Variants in SERPINI1 observed in about 807,000 individuals in gnomAD.
SERPINI1 encodes the protein neuroserpin.
In SERPINI1, 19 loss-of-function variants were observed where a neutral mutation model predicts 41.1. The ratio of observed to expected loss-of-function variants is 0.46; its 90% CI spans 0.32 to 0.68. The LOEUF (loss-of-function observed/expected upper bound fraction) is 0.68. Ranked by LOEUF, SERPINI1 falls within the 30% of genes least tolerant of loss-of-function variation. The pLI is 0.03. For synonymous variants in SERPINI1, 138 were observed against 156.6 expected (o/e 0.88, Z 0.89); for missense variants, 460 against 479.2 (o/e 0.96, Z 0.37).
At chr3:167,772,862 CTCTATATA>C (rs1455012724) in intron 1 of SERPINI1, among the ~76,000 whole-genome samples, 1 of 23,632 alleles carries the variant, frequency 4.2e-5, no homozygotes, top group East Asian at 2.4e-3. Context: ...CTCTCTCTCT[CTCTATATA>C]TATATATATA....
chr3:167,743,024 A>G (rs995873389), intron 1 of SERPINI1, among the ~76,000 whole-genome samples: 7 of 152,126 alleles, frequency 4.6e-5, no homozygotes, highest in African/African-American at 2.4e-5. Flanking sequence ...TTGCATTACA[A>G]ACACTTTTCG....
In SERPINI1 at chr3:167,747,105, G is replaced by A. The variant is rs1283453708; in HGVS notation, c.-19+11282G>A. 2.6e-5 allele frequency among the ~76,000 whole-genome samples: 4 copies of A among 152,172 alleles called. No homozygotes were observed. In the South Asian group the frequency reaches 6.2e-4, roughly 24 times the overall value. On this transcript the variant is annotated intron_variant, in intron 1 of 8. Coordinates refer to ENST00000446050, the MANE Select transcript of SERPINI1 (RefSeq NM_001122752.2). ...TTATTTGACGATTAAAAGGAATGAG[G>A]TACTGATACTACAGCATGGATGGCC...
chr3:167,752,514 A>G (rs1483807740), intron 1 of SERPINI1, among the ~76,000 whole-genome samples: 3 of 151,984 alleles, frequency 2.0e-5, no homozygotes, highest in South Asian at 2.1e-4. Context: ...AAGTCTATCC[A>G]TAATCTAACT....
rs186228800 is a variant in SERPINI1 at position 167,765,691 on chromosome 3, C to A, written c.-18-23420C>A. ...AAAAATAGAATTTTCTTTTCTATAG[C>A]ATTGTCAGGCTGCAAATTTTCTGAA... is the stretch of plus-strand genomic sequence containing the variant. On this transcript the variant is annotated intron_variant, in intron 1 of 8. Transcript: ENST00000446050. Among the ~76,000 whole-genome samples the A allele has an allele frequency of 1.6e-3, 242 of 152,318 alleles. 1 individual carries two copies. Among genetic ancestry groups the A allele is most frequent in the Middle Eastern group, 0.01 (3 of 294 alleles).
intron 1 of SERPINI1, among the ~76,000 whole-genome samples, chr3:167,736,726 G>A (rs1373784722): frequency 1.3e-5 from 2 of 152,292 alleles, no homozygotes; most frequent in South Asian, 2.1e-4. Flanking sequence ...TAAACTATAT[G>A]TGCATTCAAA....
At chr3:167,795,077 C>T (rs527303671) in intron 5 of SERPINI1, among the ~76,000 whole-genome samples, 2 of 152,008 alleles carry the variant, frequency 1.3e-5, no homozygotes, top group East Asian at 1.9e-4. Context: ...TTGGTTCATT[C>T]GGTGCTATTC....
At chr3:167,750,348 A>C (rs933121776) in intron 1 of SERPINI1, among the ~76,000 whole-genome samples, 1 of 152,218 alleles carries the variant, frequency 6.6e-6, no homozygotes, top group South Asian at 2.1e-4. Context: ...AGCAAGCTCT[A>C]TGAGAAATAT....
rs1023309800 is a variant in SERPINI1 at position 167,736,801 on chromosome 3, C to T, written c.-19+978C>T. Among the ~76,000 whole-genome samples, 4 of 152,164 alleles carry T rather than the reference C, an allele frequency of 2.6e-5. No homozygotes were observed. The South Asian group carries it at 8.3e-4, about 31-fold the overall frequency. ...TAATGCTGGGTAAAGATGAAAGTCTCACCTACCTTTGTGTAATTATGACAA... is the reference window on the plus strand; with the variant it reads ...TAATGCTGGGTAAAGATGAAAGTCTTACCTACCTTTGTGTAATTATGACAA... On this transcript the variant is annotated intron_variant, in intron 1 of 8. Transcript: ENST00000446050.
chr3:167,796,587 T>G (rs1300886562), intron 5 of SERPINI1, among the ~76,000 whole-genome samples: 1 of 152,130 alleles, frequency 6.6e-6, no homozygotes, highest in African/African-American at 2.4e-5. Context: ...AGCTCCCACT[T>G]ATAAGTGAGA....
At chr3:167,775,323 G>T (rs190477306) in intron 1 of SERPINI1, among the ~76,000 whole-genome samples, 2 of 150,358 alleles carry the variant, frequency 1.3e-5, no homozygotes, top group Non-Finnish European at 3.0e-5. Context: ...GTGCAGTGGC[G>T]CAGTCTCAGC....
chr3:167,766,200 G>C (rs1373290264), intron 1 of SERPINI1, among the ~76,000 whole-genome samples: 1 of 143,356 alleles, frequency 7.0e-6, no homozygotes, highest in Non-Finnish European at 1.5e-5. Flanking sequence ...TGATAAATAC[G>C]TACCCAAGAC....
chr3:167,807,919 C>A (rs1237898828), intron 6 of SERPINI1, among the ~76,000 whole-genome samples: 1 of 151,896 alleles, frequency 6.6e-6, no homozygotes, highest in African/African-American at 2.4e-5. Context: ...GAGTTTGAGA[C>A]CAACCTGGTC....
intron 1 of SERPINI1, among the ~76,000 whole-genome samples, chr3:167,755,022 C>A (rs962404221): frequency 1.3e-5 from 2 of 152,206 alleles, no homozygotes; most frequent in African/African-American, 4.8e-5. Flanking sequence ...GCTCAATGAA[C>A]TGTTCTGCTG....
chr3:167,745,867 A>C (rs989104210), intron 1 of SERPINI1, among the ~76,000 whole-genome samples: 2 of 152,190 alleles, frequency 1.3e-5, no homozygotes, highest in South Asian at 2.1e-4. Context: ...AGAATTTTAC[A>C]ACAAAAACAC....
intron 1 of SERPINI1, among the ~76,000 whole-genome samples, chr3:167,763,895 C>T (rs935320970): frequency 5.9e-5 from 9 of 152,116 alleles, no homozygotes; most frequent in Non-Finnish European, 1.0e-4. Context: ...ACTTTAAAGT[C>T]ATGTCATTCT....
intron 1 of SERPINI1, among the ~76,000 whole-genome samples, chr3:167,777,354 A>G (rs1726995502): frequency 6.6e-6 from 1 of 152,210 alleles, no homozygotes; most frequent in Non-Finnish European, 1.5e-5. Flanking sequence ...ATATTCAAGT[A>G]TTTTAGCTTT....
In SERPINI1 at chr3:167,786,210, T is replaced by C. The variant is rs149337018; in HGVS notation, c.-18-2901T>C. Among the ~76,000 whole-genome samples, 264 of 152,074 alleles carry C rather than the reference T, an allele frequency of 1.7e-3. 7 individuals are homozygous for C. Among genetic ancestry groups the C allele is most frequent in the Admixed American group, 0.013 (197 of 15,284 alleles). On this transcript the variant is annotated intron_variant, in intron 1 of 8. Transcript: ENST00000446050. ...GATAAGTGGGACAAGATATAAGACTTGGAGAAGATAGGCCGGGTGTGGTGG... is the reference window on the plus strand; with the variant it reads ...GATAAGTGGGACAAGATATAAGACTCGGAGAAGATAGGCCGGGTGTGGTGG...
chr3:167,824,531 A>G lies in SERPINI1; in HGVS notation c.1125A>G (p.Pro375=), dbSNP rs753147816. The part of the protein sequence containing the change: ...VLYPQVIVDH[P]FFFLIRNRRT... ...ATCCTCAAGTTATTGTCGACCATCCATTTTTCTTTCTTATCAGAAACAGGA... is the reference window on the plus strand; with the variant it reads ...ATCCTCAAGTTATTGTCGACCATCCGTTTTTCTTTCTTATCAGAAACAGGA... Residue 375 remains proline (P), a synonymous_variant, in exon 8 of 9, where the codon CCA becomes CCG. Coordinates refer to ENST00000446050, the MANE Select transcript of SERPINI1 (RefSeq NM_001122752.2). 35 of 1,613,376 alleles carry G rather than the reference A, an allele frequency of 2.2e-5. No homozygotes were observed. In the Admixed American group the frequency reaches 5.0e-4, roughly 23 times the overall value.
intron 1 of SERPINI1, among the ~76,000 whole-genome samples, chr3:167,742,284 A>G (rs1457811139): frequency 6.6e-6 from 1 of 152,226 alleles, no homozygotes; most frequent in Non-Finnish European, 1.5e-5. Flanking sequence ...AATTTAAAAA[A>G]TAATTGTAAA....
Sources: allele counts gnomAD v4.1 joint callset (sites outside exome capture counted in the v4.1 genomes callset), GRCh38; gene constraint gnomAD v4.1.1; transcripts MANE v1.5; gene names NCBI Gene and HGNC (gene_info 2026-07-23, HGNC 2026-07-21).